Variants in SLC14A2 observed in about 807,000 individuals in gnomAD.
SLC14A2 encodes the protein solute carrier family 14 member 2, also known as urea transporter 2.
In SLC14A2, 91 loss-of-function variants were observed where a neutral mutation model predicts 104.6. The ratio of observed to expected loss-of-function variants is 0.87; its 90% CI spans 0.73 to 1.04. The LOEUF (loss-of-function observed/expected upper bound fraction) is 1.04. Among genes scored for constraint, SLC14A2 ranks in the 50% least tolerant of loss-of-function variants. The pLI is 0.00. For missense variants in SLC14A2, 1,189 were observed against 1,156.0 expected (o/e 1.03, Z -0.41); for synonymous variants, 476 against 466.4 (o/e 1.02, Z -0.27).
At chr18:45,536,223 A>G (rs2144844855) in intron 2 of SLC14A2, among the ~76,000 whole-genome samples, 1 of 152,352 alleles carries the variant, frequency 6.6e-6, no homozygotes, top group East Asian at 1.9e-4. Context: ...TGGCTCTGAG[A>G]CAAGAGTGGG....
Position 45,584,629 on chromosome 18 carries a change from T to C in SLC14A2, c.-34-40002T>C, listed in dbSNP as rs75038358. Among the ~76,000 whole-genome samples, 1,296 of 152,320 alleles carry C rather than the reference T, an allele frequency of 8.5e-3. 17 individuals carry two copies. Among genetic ancestry groups the C allele is most frequent in the African/African-American group, 0.029 (1,223 of 41,558 alleles). Reference sequence around the variant, plus strand: ...GGAGTTGAGCTGCCCCTTAGGAGCCTCAAGGTGGCGAATGTAGGGCCTTCT... The same window carrying C: ...GGAGTTGAGCTGCCCCTTAGGAGCCCCAAGGTGGCGAATGTAGGGCCTTCT... On this transcript the variant is annotated intron_variant, in intron 2 of 20. Transcript: ENST00000586448.
At chr18:45,589,435 CTG>C (rs2044616326) in intron 2 of SLC14A2, among the ~76,000 whole-genome samples, 1 of 152,176 alleles carries the variant, frequency 6.6e-6, no homozygotes. Flanking sequence ...ACATCTCTGA[CTG>C]TGATTTTGTT....
intron 1 of SLC14A2, among the ~76,000 whole-genome samples, chr18:45,459,115 A>G (rs1381090470): frequency 6.6e-6 from 1 of 152,182 alleles, no homozygotes. Flanking sequence ...GAGTAATATT[A>G]GAATCCAAAC....
rs1568004643 is a variant in SLC14A2, at chr18:45,672,805, T to C, written c.2230-95T>C. 6 of 1,130,158 alleles carry C rather than the reference T, an allele frequency of 5.3e-6. No individual in the cohort carries two copies. In the East Asian group the frequency reaches 1.2e-4, roughly 23 times the overall value. The allele number at this position is 1,130,158 out of a possible 1,614,324, so 70.0% of individuals were successfully genotyped here. The stretch of plus-strand genomic sequence containing the variant: ...AATCCTGGACATCCATTGCAAAATG[T>C]TAGTGGGAAGGGTTCAGTGCCAAGT... On this transcript the variant is annotated intron_variant, in intron 16 of 19. Coordinates refer to ENST00000255226, the MANE Select transcript of SLC14A2 (RefSeq NM_007163.4).
chr18:45,214,460 A>T (rs2083989851), intron 1 of SLC14A2, among the ~76,000 whole-genome samples: 2 of 152,226 alleles, frequency 1.3e-5, no homozygotes, highest in Non-Finnish European at 2.9e-5. Flanking sequence ...GTTCTTCATC[A>T]GATGAATGTA....
intron 2 of SLC14A2, among the ~76,000 whole-genome samples, chr18:45,585,309 C>A (rs1015537274): frequency 3.3e-5 from 5 of 152,172 alleles, no homozygotes; most frequent in African/African-American, 1.2e-4. Context: ...GTTATCACCT[C>A]CCTAGCATAT....
At position 45,229,457 on chromosome 18, in the gene SLC14A2, C is replaced by T. The variant is rs139082958; in HGVS notation, c.-125+16266C>T. ...TTAAAAAAAAAGCCCTCTCCCACTGCCTTCCCACTCTTGCTTTCTTGATAG... is the reference window on the plus strand; with the variant it reads ...TTAAAAAAAAAGCCCTCTCCCACTGTCTTCCCACTCTTGCTTTCTTGATAG... On this transcript the variant is annotated intron_variant, in intron 1 of 20. Coordinates refer to the SLC14A2 transcript ENST00000586448. Among the ~76,000 whole-genome samples the T allele has an allele frequency of 2.2e-4, 34 of 152,246 alleles. No individual in the cohort carries two copies. The East Asian group carries it at 4.8e-3, about 22-fold the overall frequency.
intron 1 of SLC14A2, among the ~76,000 whole-genome samples, chr18:45,463,322 C>A (rs2087079324): frequency 6.6e-6 from 1 of 152,174 alleles, no homozygotes; most frequent in Non-Finnish European, 1.5e-5. Flanking sequence ...GCAGCTTGAC[C>A]CACCAGCTGT....
At chr18:45,482,894 G>T (rs1270377562) in intron 1 of SLC14A2, among the ~76,000 whole-genome samples, 2 of 152,094 alleles carry the variant, frequency 1.3e-5, no homozygotes, top group Non-Finnish European at 2.9e-5. Flanking sequence ...TACTGGCAAA[G>T]GATATTCATT....
At chr18:45,518,743 G>A (rs544377914) in intron 2 of SLC14A2, among the ~76,000 whole-genome samples, 1 of 152,238 alleles carries the variant, frequency 6.6e-6, no homozygotes, top group East Asian at 1.9e-4. Flanking sequence ...GACTAAAATT[G>A]AATTTTTTTT....
At chr18:45,282,590 G>A (rs1318080230) in intron 1 of SLC14A2, among the ~76,000 whole-genome samples, 1 of 152,122 alleles carries the variant, frequency 6.6e-6, no homozygotes, top group Non-Finnish European at 1.5e-5. Flanking sequence ...AGACGGTAGA[G>A]GGCAATGCTG....
chr18:45,414,357 A>G (rs779324062), intron 1 of SLC14A2, among the ~76,000 whole-genome samples: 1 of 152,158 alleles, frequency 6.6e-6, no homozygotes, highest in Non-Finnish European at 1.5e-5. Flanking sequence ...TAATAATGGC[A>G]CACTCAGAAT....
intron 1 of SLC14A2, among the ~76,000 whole-genome samples, chr18:45,328,388 C>T (rs1041416637): frequency 3.3e-5 from 5 of 152,124 alleles, no homozygotes; most frequent in African/African-American, 1.2e-4. Flanking sequence ...ATGGACAAAG[C>T]CATGGATACT....
At chr18:45,566,539 ACACACACAG>A (rs1271542359) in intron 2 of SLC14A2, among the ~76,000 whole-genome samples, 1 of 106,350 alleles carries the variant, frequency 9.4e-6, no homozygotes, top group African/African-American at 2.9e-5. Flanking sequence ...ACACACACAC[ACACACACAG>A]TGTCCACATC....
chr18:45,392,205 T>C (rs1199436115), intron 1 of SLC14A2, among the ~76,000 whole-genome samples: 2 of 152,200 alleles, frequency 1.3e-5, no homozygotes, highest in African/African-American at 4.8e-5. Flanking sequence ...AAGGCCACTG[T>C]GGCCCCCCAG....
chr18:45,583,639 C>T (rs1423932665), intron 2 of SLC14A2, among the ~76,000 whole-genome samples: 1 of 152,196 alleles, frequency 6.6e-6, no homozygotes. Flanking sequence ...AACTCCCACA[C>T]TCAACCTGCA....
chr18:45,244,665 G>A (rs561420092), intron 1 of SLC14A2, among the ~76,000 whole-genome samples: 1 of 152,204 alleles, frequency 6.6e-6, no homozygotes, highest in South Asian at 2.1e-4. Context: ...GCAGGTGGCA[G>A]GTGGTGCTTT....
chr18:45,632,033 T>G (rs1260514949), intron 4 of SLC14A2, among the ~76,000 whole-genome samples: 5 of 152,172 alleles, frequency 3.3e-5, no homozygotes, highest in African/African-American at 9.7e-5. Flanking sequence ...TTCTATTATA[T>G]TCCCTCTATA....
rs371437384 is a variant in SLC14A2 at position 45,665,688 on chromosome 18, C to CTTTCTTTTTT, written c.1475-446_1475-445insCTTTTTTTTT. Among the ~76,000 whole-genome samples, 21 of 79,300 alleles carry CTTTCTTTTTT rather than the reference C, an allele frequency of 2.6e-4. 1 individual carries two copies. Among genetic ancestry groups the CTTTCTTTTTT allele is most frequent in the African/African-American group, 1.1e-3 (20 of 18,132 alleles). 52.0% of individuals were successfully genotyped at this position (79,300 alleles called of 152,430 possible). On this transcript the variant is annotated intron_variant, in intron 11 of 19. Transcript: ENST00000255226. ...AAGGGCTTCAACAACAACCAAGTTT[C>CTTTCTTTTTT]TTTTTTTTTTTTTTTTTTTTTTTTT...
Sources: allele counts gnomAD v4.1 joint callset (sites outside exome capture counted in the v4.1 genomes callset), GRCh38; gene constraint gnomAD v4.1.1; transcripts MANE v1.5; gene names NCBI Gene and HGNC (gene_info 2026-07-23, HGNC 2026-07-21).